The following SUPT3H variants were observed in gnomAD, a reference collection of about 807,000 sequenced individuals.
SUPT3H encodes transcription initiation protein SPT3 homolog.
SUPT3H carries 44 observed loss-of-function variants against 44.3 expected under a neutral mutation model. The observed-to-expected ratio is 0.99, with a 90% CI of 0.78 to 1.28. The LOEUF (loss-of-function observed/expected upper bound fraction) is 1.28. Ranked by LOEUF, SUPT3H falls within the 50% of genes most tolerant of loss-of-function variation. The probability of loss-of-function intolerance (pLI) is 0.00; values close to 1 mark genes in which losing one functional copy is unlikely to be tolerated. For missense variants in SUPT3H, 380 were observed against 387.1 expected (o/e 0.98, Z 0.15); for synonymous variants, 124 against 125.6 (o/e 0.99, Z 0.09).
chr6:45,110,106 A>T (rs1799829771), intron 2 of SUPT3H, among the ~76,000 whole-genome samples: 1 of 152,184 alleles, frequency 6.6e-6, no homozygotes. Context: ...TCTGACAGCC[A>T]TGATTATAAC....
At chr6:44,952,078 C>T (rs1032898078) in intron 9 of SUPT3H, among the ~76,000 whole-genome samples, 1 of 152,074 alleles carries the variant, frequency 6.6e-6, no homozygotes, top group African/African-American at 2.4e-5. Flanking sequence ...TGGGCATAAA[C>T]ATTTTAATCC....
At chr6:45,238,693 T>C (rs991397153) in intron 2 of SUPT3H, among the ~76,000 whole-genome samples, 1 of 152,224 alleles carries the variant, frequency 6.6e-6, no homozygotes, top group Non-Finnish European at 1.5e-5. Flanking sequence ...TGTGAATTCA[T>C]GGACTCTATA....
intron 1 of SUPT3H, among the ~76,000 whole-genome samples, chr6:45,372,233 A>G (rs1796165881): frequency 1.3e-5 from 2 of 152,206 alleles, no homozygotes. Context: ...CCTCATCTCT[A>G]AAATGGAGAT....
intron 2 of SUPT3H, among the ~76,000 whole-genome samples, chr6:45,288,974 A>C (rs752943252): frequency 1.3e-5 from 2 of 152,050 alleles, no homozygotes; most frequent in Non-Finnish European, 2.9e-5. Context: ...CAAACATTAT[A>C]CAGTGTCCTC....
chr6:45,112,576 GGAAGGACTGATTAAGTTTCTAACAGAGGA>G (rs1800220995), intron 2 of SUPT3H, among the ~76,000 whole-genome samples: 1 of 152,108 alleles, frequency 6.6e-6, no homozygotes, highest in Non-Finnish European at 1.5e-5. Flanking sequence ...CTAACAGAGG[GGAAGGACTGATTAAGTTTCTAACAGAGGA>G]GAAGGGCTGA....
intron 2 of SUPT3H, among the ~76,000 whole-genome samples, chr6:45,164,525 C>T (rs1809543679): frequency 1.3e-5 from 2 of 152,072 alleles, no homozygotes; most frequent in Admixed American, 1.3e-4. Context: ...GGAATGAGTG[C>T]TTCGTTAGTC....
chr6:44,868,953 G>A (rs1011108507), intron 10 of SUPT3H, among the ~76,000 whole-genome samples: 1 of 152,186 alleles, frequency 6.6e-6, no homozygotes, highest in Admixed American at 6.5e-5. Flanking sequence ...TGCTGACCCT[G>A]GCTTCTCTTT....
At chr6:45,088,735 A>C (rs957307516) in intron 3 of SUPT3H, among the ~76,000 whole-genome samples, 1 of 152,014 alleles carries the variant, frequency 6.6e-6, no homozygotes, top group African/African-American at 2.4e-5. Flanking sequence ...GAATATACCA[A>C]GTTAGTACAT....
intron 2 of SUPT3H, among the ~76,000 whole-genome samples, chr6:45,331,756 T>G (rs1056636191): frequency 2.0e-5 from 3 of 151,982 alleles, no homozygotes; most frequent in Non-Finnish European, 4.4e-5. Context: ...CGTCTCTATA[T>G]CACAAGGCAT....
intron 2 of SUPT3H, among the ~76,000 whole-genome samples, chr6:45,229,146 G>A (rs919095784): frequency 2.0e-5 from 3 of 151,934 alleles, no homozygotes; most frequent in African/African-American, 4.8e-5. Flanking sequence ...CATGAGTTTG[G>A]TAAAAACTGA....
chr6:44,924,891 G>A (rs1217852419), intron 10 of SUPT3H, among the ~76,000 whole-genome samples: 1 of 151,746 alleles, frequency 6.6e-6, no homozygotes. Context: ...ATTTCTACTT[G>A]GTATTTACAT....
Position 44,828,940 on chromosome 6 carries a change from A to C in SUPT3H, c.*876T>G, listed in dbSNP as rs886954343. On this transcript the variant is annotated 3_prime_UTR_variant, in exon 11 of 11. Transcript: ENST00000371459. ...AGAGTTACGGTTCCTCATTTACTGGAGAAAGTATAGATGCCAGAAGGGTAG... is the reference window on the plus strand; with the variant it reads ...AGAGTTACGGTTCCTCATTTACTGGCGAAAGTATAGATGCCAGAAGGGTAG... The C allele has an allele frequency of 3.9e-5, 6 of 152,602 alleles. No individual in the cohort carries two copies. The highest frequency in any genetic ancestry group is 3.9e-4 in the Admixed American group (6 of 15,262). 9.5% of individuals were successfully genotyped at this position (152,602 alleles called of 1,614,324 possible). A position where few individuals can be genotyped will look rare whatever the true frequency, so the allele number is the denominator to read the frequency against.
At chr6:45,113,443 C>T (rs1044363990) in intron 2 of SUPT3H, among the ~76,000 whole-genome samples, 2 of 152,190 alleles carry the variant, frequency 1.3e-5, no homozygotes, top group Admixed American at 1.3e-4. Context: ...TTTAACAGCT[C>T]TTTCACAAAT....
rs183139293 is a variant in SUPT3H at position 45,108,788 on chromosome 6, T to C, written c.102-2782A>G. On this transcript the variant is annotated intron_variant, in intron 2 of 10. Coordinates refer to ENST00000371459, the MANE Select transcript of SUPT3H (RefSeq NM_003599.4). ...CAGATCAATATAAGGATAACTATTA[T>C]CACCACTTTCAGTCAATATAATATT... Among the ~76,000 whole-genome samples the C allele has an allele frequency of 1.1e-4, 16 of 152,160 alleles. No individual in the cohort carries two copies. The East Asian group carries it at 2.9e-3, about 28-fold the overall frequency.
At chr6:45,295,397 A>G (rs116146386) in intron 2 of SUPT3H, among the ~76,000 whole-genome samples, 14,215 of 152,132 alleles carry the variant, frequency 0.093, 828 homozygotes, top group Middle Eastern at 0.15. Context: ...TCCAGAAGGT[A>G]ACATTGGAAA....
rs1196581317 is a variant in SUPT3H at position 44,829,155 on chromosome 6, T to G, written c.*661A>C. The G allele has an allele frequency of 1.3e-5, 2 of 151,892 alleles. No homozygotes were observed. Among genetic ancestry groups the G allele is most frequent in the African/African-American group, 4.8e-5 (2 of 41,238 alleles). The allele number at this position is 151,892 out of a possible 1,614,324, so 9.4% of individuals were successfully genotyped here. On this transcript the variant is annotated 3_prime_UTR_variant, in exon 11 of 11. Coordinates refer to ENST00000371459, the MANE Select transcript of SUPT3H (RefSeq NM_003599.4). ...TGGAGGAACAGGAAAAGGAGGGAAA[T>G]GAAGATGGAGGAAGAGGTTCTGTGT... is the stretch of plus-strand genomic sequence containing the variant.
At chr6:44,902,708 G>C (rs559504329) in intron 10 of SUPT3H, among the ~76,000 whole-genome samples, 3 of 152,192 alleles carry the variant, frequency 2.0e-5, no homozygotes, top group Non-Finnish European at 4.4e-5. Context: ...ACTCCCCACT[G>C]CAAATCAACA....
intron 10 of SUPT3H, among the ~76,000 whole-genome samples, chr6:44,902,230 A>C (rs1287470429): frequency 2.0e-5 from 3 of 152,186 alleles, no homozygotes; most frequent in Non-Finnish European, 2.9e-5. Flanking sequence ...CAGACTGGCA[A>C]ATTGGATAAA....
rs1779750304 is a variant in SUPT3H at position 45,288,585 on chromosome 6, ATATATATATATG to A, written c.101+76604_101+76615del. ...TATATGTATATATATATATATATGT[ATATATATATATG>A]TGTATATATATATATGTATATATAT... On this transcript the variant is annotated intron_variant, in intron 2 of 10. Transcript: ENST00000371459. Among the ~76,000 whole-genome samples, 20 of 36,808 alleles carry A rather than the reference ATATATATATATG, an allele frequency of 5.4e-4. No individual in the cohort carries two copies. In the South Asian group the frequency reaches 0.014, roughly 26 times the overall value. The allele number at this position is 36,808 out of a possible 152,430, so 24.1% of individuals were successfully genotyped here.
Sources: gnomAD v4.1 joint callset for allele counts (sites outside exome capture counted in the v4.1 genomes callset) on GRCh38, gnomAD v4.1.1 for gene constraint, MANE v1.5 for transcripts, NCBI Gene and HGNC (gene_info 2026-07-23, HGNC 2026-07-21) for gene names.